Variants in PHYHIPL observed in about 807,000 individuals in gnomAD.
The protein encoded by PHYHIPL is phytanoyl-CoA 2-hydroxylase interacting protein like.
Under a neutral mutation model 33.4 loss-of-function variants are expected in PHYHIPL, and 9 were observed. The ratio of observed to expected loss-of-function variants is 0.27; its 90% CI spans 0.16 to 0.47. The LOEUF (loss-of-function observed/expected upper bound fraction) is 0.47, where lower values mean the gene tolerates loss of function less well. Ranked by LOEUF, PHYHIPL falls within the 20% of genes least tolerant of loss-of-function variation. The pLI, the probability that PHYHIPL is intolerant of heterozygous loss-of-function variation, is 0.99. For missense variants in PHYHIPL, 365 were observed against 460.7 expected (o/e 0.79, Z 1.90); for synonymous variants, 153 against 154.1 (o/e 0.99, Z 0.05).
chr10:59,180,316 ATATATATATATATATATATAT>A (rs1838376787), intron 1 of PHYHIPL, among the ~76,000 whole-genome samples: 1 of 5,892 alleles, frequency 1.7e-4, no homozygotes, highest in East Asian at 4.7e-3. Flanking sequence ...TAGAAAAAGT[ATATATATATATATATATATAT>A]ATATATATAT....
At chr10:59,218,103 G>A (rs1277609873) in intron 1 of PHYHIPL, among the ~76,000 whole-genome samples, 1 of 152,070 alleles carries the variant, frequency 6.6e-6, no homozygotes, top group Non-Finnish European at 1.5e-5. Flanking sequence ...CTAACTAGCT[G>A]TTTTTGGTTT....
chr10:59,195,521 C>T (rs1838887839), intron 1 of PHYHIPL, among the ~76,000 whole-genome samples: 1 of 152,152 alleles, frequency 6.6e-6, no homozygotes, highest in Non-Finnish European at 1.5e-5. Flanking sequence ...TCTTCAGATT[C>T]ACCTCTGTGT....
At chr10:59,192,094 C>G (rs1838798747) in intron 1 of PHYHIPL, among the ~76,000 whole-genome samples, 1 of 152,148 alleles carries the variant, frequency 6.6e-6, no homozygotes, top group African/African-American at 2.4e-5. Flanking sequence ...ACACATGAAA[C>G]AGAGTTACAC....
intron 1 of PHYHIPL, among the ~76,000 whole-genome samples, chr10:59,219,040 A>C (rs2133254464): frequency 6.6e-6 from 1 of 152,086 alleles, no homozygotes; most frequent in Admixed American, 6.6e-5. Flanking sequence ...AAGCGTACAC[A>C]ATTTATTCTT....
chr10:59,203,007 C>T (rs1319732486), intron 1 of PHYHIPL, among the ~76,000 whole-genome samples: 1 of 152,058 alleles, frequency 6.6e-6, no homozygotes, highest in African/African-American at 2.4e-5. Flanking sequence ...CCATAGATTG[C>T]AATCTACCCA....
At chr10:59,226,226 A>G (rs994068317) in intron 1 of PHYHIPL, among the ~76,000 whole-genome samples, 9 of 152,198 alleles carry the variant, frequency 5.9e-5, no homozygotes, top group African/African-American at 1.9e-4. Context: ...CCACACTGGA[A>G]GAAAATCAGA....
chr10:59,209,849 T>TA (rs1258572220), intron 1 of PHYHIPL, among the ~76,000 whole-genome samples: 1 of 152,080 alleles, frequency 6.6e-6, no homozygotes, highest in Non-Finnish European at 1.5e-5. Context: ...ATGGTGTTGG[T>TA]AAAACTGGCT....
At chr10:59,210,144 C>G (rs990752697) in intron 1 of PHYHIPL, among the ~76,000 whole-genome samples, 6 of 152,100 alleles carry the variant, frequency 3.9e-5, no homozygotes, top group Non-Finnish European at 8.8e-5. Flanking sequence ...GAACAGGCAA[C>G]CTACAGAATG....
chr10:59,231,096 A>C (rs1342243601), intron 1 of PHYHIPL, among the ~76,000 whole-genome samples: 1 of 26,436 alleles, frequency 3.8e-5, no homozygotes, highest in Non-Finnish European at 8.2e-5. Context: ...AAACATTAGA[A>C]GAAAAAAACA....
At chr10:59,239,015 A>G (rs747806752) in intron 4 of PHYHIPL, among the ~76,000 whole-genome samples, 2 of 151,920 alleles carry the variant, frequency 1.3e-5, no homozygotes, top group African/African-American at 2.4e-5. Context: ...TCTGCATCAT[A>G]CTGACTACTA....
At chr10:59,191,105 T>C (rs987968361) in intron 1 of PHYHIPL, among the ~76,000 whole-genome samples, 1 of 151,882 alleles carries the variant, frequency 6.6e-6, no homozygotes, top group Non-Finnish European at 1.5e-5. Context: ...TAAAAATTGG[T>C]TTAGACATTA....
At chr10:59,188,373 G>C (rs1192968758) in intron 1 of PHYHIPL, among the ~76,000 whole-genome samples, 1 of 152,128 alleles carries the variant, frequency 6.6e-6, no homozygotes, top group African/African-American at 2.4e-5. Context: ...GCTGGGGAGG[G>C]CTTTACTTCC....
At chr10:59,173,930 T>TTG (rs1564696373), upstream of PHYHIPL, among the ~76,000 whole-genome samples, 3 of 92,084 alleles carry the variant, frequency 3.3e-5, no homozygotes, top group Non-Finnish European at 6.0e-5. Context: ...GGTTTTTTTT[T>TTG]TTTTTTTTTT....
intron 1 of PHYHIPL, chr10:59,206,955 G>T: frequency 3.3e-6 from 1 of 299,538 alleles, no homozygotes; most frequent in Non-Finnish European, 5.3e-6. Flanking sequence ...GGAAAAGATG[G>T]GCTTCTTTAG....
At chr10:59,203,030 T>A (rs1839169846) in intron 1 of PHYHIPL, among the ~76,000 whole-genome samples, 1 of 152,140 alleles carries the variant, frequency 6.6e-6, no homozygotes, top group South Asian at 2.1e-4. Flanking sequence ...TGACAAGGGC[T>A]AATACCCAGA....
intron 1 of PHYHIPL, among the ~76,000 whole-genome samples, chr10:59,191,147 G>A (rs541127817): frequency 7.9e-5 from 12 of 151,860 alleles, no homozygotes; most frequent in South Asian, 6.2e-4. Context: ...ATTGTTTTAC[G>A]ATTTCTGAAT....
At chr10:59,189,419 C>T (rs996831911) in intron 1 of PHYHIPL, among the ~76,000 whole-genome samples, 4 of 152,074 alleles carry the variant, frequency 2.6e-5, no homozygotes, top group African/African-American at 9.6e-5. Context: ...GTGGGTAGAC[C>T]ACATTTTTAA....
chr10:59,202,299 A>G (rs1381438328), intron 1 of PHYHIPL, among the ~76,000 whole-genome samples: 1 of 152,164 alleles, frequency 6.6e-6, no homozygotes, highest in Non-Finnish European at 1.5e-5. Flanking sequence ...TGCATATATT[A>G]TCCATGTAAC....
intron 4 of PHYHIPL, among the ~76,000 whole-genome samples, chr10:59,244,176 A>G (rs987902853): frequency 6.6e-6 from 1 of 152,136 alleles, no homozygotes; most frequent in East Asian, 1.9e-4. Flanking sequence ...TGTGGTGGAG[A>G]ATGAATGGAT....
Sources: gnomAD v4.1 joint callset for allele counts (sites outside exome capture counted in the v4.1 genomes callset) on GRCh38, gnomAD v4.1.1 for gene constraint, MANE v1.5 for transcripts, NCBI Gene and HGNC (gene_info 2026-07-23, HGNC 2026-07-21) for gene names.